RAB3GAP2: variants seen among roughly 807,000 people sequenced by gnomAD.
RAB3GAP2 encodes RAB3 GTPase activating non-catalytic protein subunit 2, also known as rab3 GTPase-activating protein non-catalytic subunit.
A neutral mutation model predicts 185.3 loss-of-function variants in RAB3GAP2; 87 were observed. That is an observed-to-expected ratio of 0.47 (90% CI 0.39 to 0.56). The LOEUF (loss-of-function observed/expected upper bound fraction) is 0.56, where lower values mean the gene tolerates loss of function less well. RAB3GAP2 is among the 20% of genes least tolerant of loss of function. The pLI is 0.00. For synonymous variants in RAB3GAP2, 554 were observed against 576.1 expected (o/e 0.96, Z 0.55); for missense variants, 1,492 against 1,638.2 (o/e 0.91, Z 1.54).
chr1:220,205,408 A>G (rs888210176), intron 8 of RAB3GAP2, among the ~76,000 whole-genome samples: 5 of 152,218 alleles, frequency 3.3e-5, no homozygotes, highest in Admixed American at 6.5e-5. Context: ...GCCTACAGTG[A>G]TATCTGTAGG....
rs541476183 is a variant in RAB3GAP2 at position 220,239,392 on chromosome 1, G to A, written c.116-6529C>T. ...ACTACAGGCATATGCCACCATGTCC[G>A]GCAAATTTTTGTATTTTTTGCAGAG... On this transcript the variant is annotated intron_variant, in intron 1 of 34. Coordinates refer to ENST00000358951, the MANE Select transcript of RAB3GAP2 (RefSeq NM_012414.4). Among the ~76,000 whole-genome samples, 9 of 152,086 alleles carry A rather than the reference G, an allele frequency of 5.9e-5. No homozygotes were observed. The South Asian group carries it at 8.3e-4, about 14-fold the overall frequency.
At chr1:220,220,465 T>C (rs1659285966) in intron 2 of RAB3GAP2, 1 of 152,466 alleles carries the variant, frequency 6.6e-6, no homozygotes, top group South Asian at 2.1e-4. Context: ...GCTCAGTCCA[T>C]GTGCATCATC....
chr1:220,159,713 G>A (rs1397771230), intron 28 of RAB3GAP2, among the ~76,000 whole-genome samples: 1 of 152,086 alleles, frequency 6.6e-6, no homozygotes, highest in Non-Finnish European at 1.5e-5. Context: ...AAATAACTGT[G>A]TTGCCTAAAA....
At chr1:220,213,732 TGGG>T (rs1206048732) in intron 3 of RAB3GAP2, 121 bp downstream of exon 3, 78 of 565,622 alleles carry the variant, frequency 1.4e-4, no homozygotes, top group African/African-American at 2.5e-4. Context: ...GAGGAGGAGT[TGGG>T]GGGGGGGGGA....
At chr1:220,189,016 T>G (rs1203238166) in intron 17 of RAB3GAP2, among the ~76,000 whole-genome samples, 1 of 151,936 alleles carries the variant, frequency 6.6e-6, no homozygotes, top group Admixed American at 6.6e-5. Context: ...CACACAGGAA[T>G]GACGTAACTA....
chr1:220,187,193 T>C (rs1249962383), intron 17 of RAB3GAP2, among the ~76,000 whole-genome samples: 1 of 152,224 alleles, frequency 6.6e-6, no homozygotes, highest in Non-Finnish European at 1.5e-5. Flanking sequence ...ATGGCCCCAG[T>C]ACCTGACACA....
rs1203757106 is a variant in RAB3GAP2 at position 220,260,527 on chromosome 1, T to A, written c.115+11696A>T. 4.0e-5 allele frequency among the ~76,000 whole-genome samples: 6 copies of A among 151,026 alleles called. 1 individual carries two copies. Among genetic ancestry groups the A allele is most frequent in the Admixed American group, 4.0e-4 (6 of 15,146 alleles). On this transcript the variant is annotated intron_variant, in intron 1 of 34. Transcript: ENST00000358951. The stretch of plus-strand genomic sequence containing the variant: ...AACAGACACCACATGTTCTGACTTA[T>A]AAGTGGGAGCTGAATGATGAGAACA...
At chr1:220,201,917 T>A (rs1489687793) in intron 9 of RAB3GAP2, among the ~76,000 whole-genome samples, 1 of 152,114 alleles carries the variant, frequency 6.6e-6, no homozygotes, top group East Asian at 1.9e-4. Flanking sequence ...CTCACGCCTG[T>A]AATCTCAGCA....
intron 2 of RAB3GAP2, among the ~76,000 whole-genome samples, chr1:220,226,892 T>A (rs939589823): frequency 1.3e-5 from 2 of 151,892 alleles, no homozygotes; most frequent in African/African-American, 4.8e-5. Context: ...ATAGGACTGG[T>A]GTCCTCATAA....
At chr1:220,212,233 A>G (rs1266525883) in intron 4 of RAB3GAP2, among the ~76,000 whole-genome samples, 3 of 152,198 alleles carry the variant, frequency 2.0e-5, no homozygotes, top group Non-Finnish European at 2.9e-5. Flanking sequence ...CAATATCAGC[A>G]AAGCAGAGAA....
intron 24 of RAB3GAP2, among the ~76,000 whole-genome samples, chr1:220,169,052 C>T (rs1658125115): frequency 6.6e-6 from 1 of 152,146 alleles, no homozygotes. Context: ...TTGGAAAATT[C>T]TCATTCCAGA....
At chr1:220,254,492 C>A in intron 1 of RAB3GAP2, 2 of 1,613,394 alleles carry the variant, frequency 1.2e-6, no homozygotes, top group Non-Finnish European at 1.7e-6. Context: ...TTGTTTAGTG[C>A]CAGCGATTAT....
In RAB3GAP2 at chr1:220,212,984, T is replaced by C; in HGVS notation, c.305-16A>G. The stretch of plus-strand genomic sequence containing the variant: ...TTCCATTTTGCTGTAAGAATTAAGA[T>C]ATCATATAAAATAATTTTAGCTATA... On this transcript the variant is annotated splice_polypyrimidine_tract_variant and intron_variant, in intron 3 of 34. Coordinates refer to ENST00000358951, the MANE Select transcript of RAB3GAP2 (RefSeq NM_012414.4). 1 of 1,572,172 alleles carries C rather than the reference T, an allele frequency of 6.4e-7. No individual in the cohort carries two copies. The highest frequency in any genetic ancestry group is 1.1e-5 in the South Asian group (1 of 88,578).
chr1:220,247,403 C>T (rs940662363), intron 1 of RAB3GAP2, among the ~76,000 whole-genome samples: 1 of 152,144 alleles, frequency 6.6e-6, no homozygotes, highest in Non-Finnish European at 1.5e-5. Context: ...TATATATACA[C>T]CACAGAATAT....
At chr1:220,185,951 C>T (rs185734244) in intron 17 of RAB3GAP2, among the ~76,000 whole-genome samples, 1 of 152,122 alleles carries the variant, frequency 6.6e-6, no homozygotes, top group Admixed American at 6.5e-5. Flanking sequence ...ACATAAATGA[C>T]AAAAATCCAG....
intron 32 of RAB3GAP2, 134 bp from the exon 33 acceptor site, chr1:220,153,540 C>CATTTA: frequency 1.3e-6 from 1 of 776,058 alleles, no homozygotes; most frequent in Admixed American, 2.2e-5. Context: ...AAAAAAGGAA[C>CATTTA]ACATCATTTA....
chr1:220,151,761 T>G lies in RAB3GAP2; in HGVS notation c.3871A>C (p.Ile1291Leu). 6.2e-7 allele frequency: 1 copy of G among 1,605,972 alleles called. No homozygotes were observed. The highest frequency in any genetic ancestry group is 8.5e-7 in the Non-Finnish European group (1 of 1,172,586). ...ACCTCTTTGTCATGAACCTGTAGAA[T>G]GGCCTGAAGATAGGAACATGGAGAA... ...YGVDHLGEEA[I>L]LQVHDKEVLA... is the part of the protein sequence containing the mutation. The change falls in exon 34 of 35, where the codon ATT becomes CTT. Residue 1291 changes from isoleucine to leucine, a missense_variant. By Grantham distance (5) the Ile-to-Leu change is conservative (BLOSUM62 2). This residue lies in a region of RAB3GAP2 where 387 missense variants were observed against 455.3 expected (regional missense o/e 0.85). Transcript: ENST00000358951.
At position 220,189,689 on chromosome 1, in the gene RAB3GAP2, TTA is replaced by T; in HGVS notation, c.1779+12_1779+13del. The T allele has an allele frequency of 1.3e-6, 2 of 1,557,950 alleles. No homozygotes were observed. The highest frequency in any genetic ancestry group is 1.8e-6 in the Non-Finnish European group (2 of 1,140,190). Reference sequence around the variant, plus strand: ...AGCTACTAGCAGGAAAGTTCGTGTATTATATACACTTACTTGTTTTTTGGTTG... The same window carrying T: ...AGCTACTAGCAGGAAAGTTCGTGTATTATACACTTACTTGTTTTTTGGTTG... On this transcript the variant is annotated intron_variant, in intron 17 of 34. Transcript: ENST00000358951.
In RAB3GAP2 at chr1:220,170,983, G is replaced by A. The variant is rs775564285; in HGVS notation, c.2715C>T (p.Ser905=). The A allele has an allele frequency of 2.7e-5, 44 of 1,614,084 alleles. No homozygotes were observed. The highest frequency in any genetic ancestry group is 3.4e-5 in the Non-Finnish European group (40 of 1,180,036). The change falls in exon 24 of 35, where the codon AGC becomes AGT. Residue 905 remains serine, a synonymous_variant. Transcript: ENST00000358951. ...DCLILQTLLH[S]KGNTQTSKVS... is the part of the protein sequence containing the mutation. ...CTTTGGAGGTCTGAGTGTTCCCTTT[G>A]CTGTGAAGCAGAGTCTGAAGTATGA...
Sources: allele counts gnomAD v4.1 joint callset (sites outside exome capture counted in the v4.1 genomes callset), GRCh38; gene constraint gnomAD v4.1.1; regional missense constraint gnomAD v4.1.1; transcripts MANE v1.5; gene names NCBI Gene and HGNC (gene_info 2026-07-23, HGNC 2026-07-21).